Variants in PRKAR1B observed in about 807,000 individuals in gnomAD.
PRKAR1B encodes the protein protein kinase cAMP-dependent type I regulatory subunit beta.
PRKAR1B carries 22 observed loss-of-function variants against 46.5 expected under a neutral mutation model. That is an observed-to-expected ratio of 0.47 (90% confidence interval 0.34 to 0.68). PRKAR1B has a LOEUF of 0.68. Among genes scored for constraint, PRKAR1B ranks in the 30% least tolerant of loss-of-function variants. The probability of loss-of-function intolerance (pLI) is 0.01; values close to 1 mark genes in which losing one functional copy is unlikely to be tolerated. For synonymous variants in PRKAR1B, 259 were observed against 217.7 expected (o/e 1.19, Z -1.67); for missense variants, 445 against 535.6 (o/e 0.83, Z 1.67).
chr7:704,744 G>A (rs1780230954), intron 2 of PRKAR1B, among the ~76,000 whole-genome samples: 1 of 152,084 alleles, frequency 6.6e-6, no homozygotes, highest in Non-Finnish European at 1.5e-5. Context: ...ACTCCAGCCT[G>A]GTCAACAAAG....
intron 4 of PRKAR1B, among the ~76,000 whole-genome samples, chr7:628,502 C>G (rs761199407): frequency 6.6e-6 from 1 of 152,220 alleles, no homozygotes; most frequent in Non-Finnish European, 1.5e-5. Context: ...GCCATCAAAC[C>G]GGGTTGCCGG....
intron 4 of PRKAR1B, among the ~76,000 whole-genome samples, chr7:663,376 A>C (rs1785720795): frequency 6.6e-6 from 1 of 152,118 alleles, no homozygotes; most frequent in African/African-American, 2.4e-5. Context: ...CTACAGGTGC[A>C]TGCCACCATG....
At chr7:598,874 C>G (rs1351459426) in intron 6 of PRKAR1B, among the ~76,000 whole-genome samples, 1 of 152,262 alleles carries the variant, frequency 6.6e-6, no homozygotes, top group African/African-American at 2.4e-5. Flanking sequence ...GCTGCCCAGG[C>G]AAGTGGCAGG....
At chr7:562,511 G>GC (rs1276889070) in intron 9 of PRKAR1B, among the ~76,000 whole-genome samples, 1 of 152,112 alleles carries the variant, frequency 6.6e-6, no homozygotes, top group South Asian at 2.1e-4. Context: ...TGAGGATTCT[G>GC]CCCCCTGCAG....
chr7:727,958 A>G (rs577980695), upstream of PRKAR1B, among the ~76,000 whole-genome samples: 9 of 151,680 alleles, frequency 5.9e-5, no homozygotes, highest in African/African-American at 2.2e-4. Context: ...GGGGGCTTGC[A>G]GGACTTGCAC....
At chr7:665,572 G>A (rs1469763183) in intron 4 of PRKAR1B, among the ~76,000 whole-genome samples, 2 of 152,254 alleles carry the variant, frequency 1.3e-5, no homozygotes, top group African/African-American at 4.8e-5. Context: ...CTCCTCTGCT[G>A]AGATCCAGCT....
intron 4 of PRKAR1B, among the ~76,000 whole-genome samples, chr7:639,871 G>A (rs371312352): frequency 0.017 from 2,555 of 148,366 alleles, 70 homozygotes; most frequent in African/African-American, 0.06. Flanking sequence ...AAGAAAAAAA[G>A]AAAGAAAAAC....
intron 4 of PRKAR1B, among the ~76,000 whole-genome samples, chr7:613,497 G>A (rs1014655371): frequency 1.3e-5 from 2 of 152,160 alleles, no homozygotes; most frequent in African/African-American, 4.8e-5. Context: ...AAGCGTACGG[G>A]ATCAGAACCA....
chr7:568,489 G>A lies in PRKAR1B; in HGVS notation c.891+10767C>T, dbSNP rs559315870. Reference sequence around the variant, plus strand: ...ATTGTTCACCACCTGGAGCTGGCCCGCCCCGGGCATGCGGACTTCCCAGAA... The same window carrying A: ...ATTGTTCACCACCTGGAGCTGGCCCACCCCGGGCATGCGGACTTCCCAGAA... On this transcript the variant is annotated intron_variant, in intron 9 of 10. Coordinates refer to ENST00000537384, the MANE Select transcript of PRKAR1B (RefSeq NM_001164760.2). Among the ~76,000 whole-genome samples the A allele has an allele frequency of 6.6e-5, 10 of 152,332 alleles. No individual in the cohort carries two copies. In the East Asian group the frequency reaches 9.6e-4, roughly 15 times the overall value.
chr7:551,304 G>T, intron 10 of PRKAR1B, 85 bp downstream of exon 10: 1 of 1,322,064 alleles, frequency 7.6e-7, no homozygotes, highest in Non-Finnish European at 1.1e-6. Context: ...AAGCCCCCCA[G>T]CAGCTCCTCA....
intron 7 of PRKAR1B, among the ~76,000 whole-genome samples, chr7:592,673 C>T (rs543234408): frequency 6.6e-6 from 1 of 152,344 alleles, no homozygotes; most frequent in South Asian, 2.1e-4. Context: ...TCCATTGCTT[C>T]CAAACGCTGA....
chr7:556,051 C>T (rs1043467189), intron 9 of PRKAR1B, among the ~76,000 whole-genome samples: 3 of 152,192 alleles, frequency 2.0e-5, no homozygotes, highest in African/African-American at 7.2e-5. Context: ...TTGCATATGC[C>T]CCGGGAGTGG....
chr7:711,648 A>T, intron 1 of PRKAR1B, 121 bp from the exon 2 acceptor site: 1 of 901,228 alleles, frequency 1.1e-6, no homozygotes. Context: ...CTGATTCTGC[A>T]TTTGTCAAAG....
intron 6 of PRKAR1B, among the ~76,000 whole-genome samples, chr7:601,778 T>C (rs1302011291): frequency 6.6e-6 from 1 of 152,116 alleles, no homozygotes. Context: ...CCATCCCACG[T>C]GAGCCTGTAG....
At chr7:562,194 G>A (rs960366078) in intron 9 of PRKAR1B, among the ~76,000 whole-genome samples, 5 of 151,954 alleles carry the variant, frequency 3.3e-5, no homozygotes, top group African/African-American at 4.8e-5. Flanking sequence ...CAGGTTCCGG[G>A]GAACCAGGGC....
At chr7:609,740 A>G (rs1252914395) in intron 4 of PRKAR1B, among the ~76,000 whole-genome samples, 1 of 151,994 alleles carries the variant, frequency 6.6e-6, no homozygotes, top group African/African-American at 2.4e-5. Context: ...GCTGCCTAGT[A>G]TTCTTTTTTT....
At position 667,886 on chromosome 7, in the gene PRKAR1B, C is replaced by T. The variant is rs979835934; in HGVS notation, c.440+9343G>A. On this transcript the variant is annotated intron_variant, in intron 4 of 10. Coordinates refer to ENST00000537384, the MANE Select transcript of PRKAR1B (RefSeq NM_001164760.2). The surrounding 1 kb of genome is among the most constrained non-coding windows in gnomAD (Gnocchi z 4.3). Reference sequence around the variant, plus strand: ...CCACCATCCTAGAAGGACAGGCAGGCGGTCTGGGGGAGTTGCAGCCTCCCT... The same window carrying T: ...CCACCATCCTAGAAGGACAGGCAGGTGGTCTGGGGGAGTTGCAGCCTCCCT... 2.6e-5 allele frequency among the ~76,000 whole-genome samples: 4 copies of T among 152,220 alleles called. No homozygotes were observed. Among genetic ancestry groups the T allele is most frequent in the South Asian group, 2.1e-4 (1 of 4,834 alleles).
intron 2 of PRKAR1B, among the ~76,000 whole-genome samples, chr7:693,611 C>CCCTTG (rs1261042428): frequency 6.6e-6 from 1 of 152,204 alleles, no homozygotes; most frequent in Non-Finnish European, 1.5e-5. Flanking sequence ...TGAGGGACTT[C>CCCTTG]CCTTGCGTGG....
At chr7:611,673 A>G (rs1232877580) in intron 4 of PRKAR1B, among the ~76,000 whole-genome samples, 1 of 152,232 alleles carries the variant, frequency 6.6e-6, no homozygotes, top group Non-Finnish European at 1.5e-5. Context: ...TCTGACGCAG[A>G]AGCTCCTCAG....
Sources: allele counts gnomAD v4.1 joint callset (sites outside exome capture counted in the v4.1 genomes callset), GRCh38; gene constraint gnomAD v4.1.1; non-coding constraint Gnocchi (gnomAD v3.1); transcripts MANE v1.5; gene names NCBI Gene and HGNC (gene_info 2026-07-23, HGNC 2026-07-21).